The following CDCA7L variants were observed in gnomAD, a reference collection of about 807,000 sequenced individuals.
The protein encoded by CDCA7L is cell division cycle-associated 7-like protein.
CDCA7L carries 44 observed loss-of-function variants against 57.4 expected under a neutral mutation model. The observed-to-expected ratio is 0.77, with a 90% confidence interval of 0.60 to 0.98. The LOEUF (loss-of-function observed/expected upper bound fraction) is 0.98. CDCA7L is among the 50% of genes least tolerant of loss of function. The probability of loss-of-function intolerance (pLI) is 0.00; values close to 1 mark genes in which losing one functional copy is unlikely to be tolerated. For synonymous variants in CDCA7L, 236 were observed against 202.8 expected (o/e 1.16, Z -1.39); for missense variants, 644 against 580.6 (o/e 1.11, Z -1.12).
chr7:21,916,539 G>T (rs933827608), intron 2 of CDCA7L, among the ~76,000 whole-genome samples: 1 of 90,854 alleles, frequency 1.1e-5, no homozygotes, highest in African/African-American at 4.2e-5. Flanking sequence ...AAAAAAAAAA[G>T]AATTATGGTA....
At chr7:21,927,698 A>G (rs895694577) in intron 1 of CDCA7L, among the ~76,000 whole-genome samples, 24 of 152,182 alleles carry the variant, frequency 1.6e-4, no homozygotes, top group African/African-American at 4.6e-4. Context: ...AAGTAGGACA[A>G]CTCGGAAGAG....
At chr7:21,940,370 A>G (rs2128071068) in intron 1 of CDCA7L, 1 of 894,302 alleles carries the variant, frequency 1.1e-6, no homozygotes, top group Non-Finnish European at 1.3e-6. Flanking sequence ...ATTACTAACA[A>G]TACTACTTTG....
At chr7:21,911,473 T>G (rs1785325292) in intron 3 of CDCA7L, 144 bp downstream of exon 3, 3 of 1,005,238 alleles carry the variant, frequency 3.0e-6, no homozygotes, top group African/African-American at 1.7e-5. Flanking sequence ...CAGGAGCAAT[T>G]TTTTTAGGTT....
At chr7:21,938,519 A>G (rs967889473) in intron 1 of CDCA7L, among the ~76,000 whole-genome samples, 2 of 152,216 alleles carry the variant, frequency 1.3e-5, no homozygotes, top group Non-Finnish European at 2.9e-5. Context: ...ATTTAGTATT[A>G]TCATATAACC....
Position 21,901,447 on chromosome 7 carries a change from C to A in CDCA7L, c.*875G>T, listed in dbSNP as rs72658842. 3.0e-5 allele frequency: 20 copies of A among 658,574 alleles called. No individual in the cohort carries two copies. The African/African-American group carries it at 3.7e-4, about 12-fold the overall frequency. 40.8% of individuals were successfully genotyped at this position (658,574 alleles called of 1,614,324 possible). A position where few individuals can be genotyped will look rare whatever the true frequency, so the allele number is the denominator to read the frequency against. On this transcript the variant is annotated 3_prime_UTR_variant, in exon 10 of 10. Transcript: ENST00000406877. ...ACTCAGGGCTGAGCGTGGTGGCACA[C>A]GACTGTAATCCCAGTTACTCAGGAG...
intron 1 of CDCA7L, among the ~76,000 whole-genome samples, chr7:21,942,514 G>A (rs780538856): frequency 2.6e-5 from 4 of 152,148 alleles, no homozygotes; most frequent in Non-Finnish European, 4.4e-5. Flanking sequence ...CTGTATACTG[G>A]AGGTAAATAT....
chr7:21,906,313 G>A lies in CDCA7L; in HGVS notation c.897C>T (p.Ser299=), dbSNP rs755505442. 1 of 1,599,808 alleles carries A rather than the reference G, an allele frequency of 6.3e-7. No individual in the cohort carries two copies. Among genetic ancestry groups the A allele is most frequent in the Admixed American group, 1.8e-5 (1 of 55,660 alleles). The part of the protein sequence containing the change: ...SAAKFAEEFY[S]FRRRKTIGGK... ...CCCCAATTGTCTTCCTTCTTCGGAA[G>A]CTGTAAAACTCTTCCGCAAATTTAG... is the stretch of plus-strand genomic sequence containing the variant. Residue 299 remains serine, a synonymous_variant, in exon 6 of 10, where the codon AGC becomes AGT. Transcript: ENST00000406877.
At chr7:21,902,938 G>C in intron 9 of CDCA7L, 40 bp downstream of exon 9, 2 of 1,598,002 alleles carry the variant, frequency 1.3e-6, no homozygotes, top group Non-Finnish European at 1.7e-6. Flanking sequence ...TCAGCCTCAA[G>C]ATTTCAAGCT....
chr7:21,908,227 G>C lies in CDCA7L; in HGVS notation c.584C>G (p.Ser195Cys), dbSNP rs201363125. Residue 195 changes from serine (S) to cysteine (C), a missense_variant, in exon 4 of 10, where the codon TCT becomes TGT. Coordinates refer to ENST00000406877, the MANE Select transcript of CDCA7L (RefSeq NM_018719.5). ...AGAGTCATCCTCAGACTCAGAGGTA[G>C]AATCTTCCCTTTGTATCACCTGTCT... ...DCRQVIQRED[S>C]TSESEDDSRD... 1.2e-6 allele frequency: 2 copies of C among 1,613,232 alleles called. No individual in the cohort carries two copies. Among genetic ancestry groups the C allele is most frequent in the East Asian group, 4.5e-5 (2 of 44,874 alleles).
At chr7:21,934,431 T>A (rs1479110575) in intron 1 of CDCA7L, among the ~76,000 whole-genome samples, 1 of 151,468 alleles carries the variant, frequency 6.6e-6, no homozygotes, top group Non-Finnish European at 1.5e-5. Flanking sequence ...GGAAATGAAA[T>A]GAGAAGAGAG....
At chr7:21,927,873 T>C (rs1332230000) in intron 1 of CDCA7L, among the ~76,000 whole-genome samples, 1 of 152,240 alleles carries the variant, frequency 6.6e-6, no homozygotes, top group Non-Finnish European at 1.5e-5. Flanking sequence ...GGGAAAGGCG[T>C]GGCTGTGGGC....
intron 1 of CDCA7L, among the ~76,000 whole-genome samples, chr7:21,936,665 C>T (rs1461063351): frequency 1.3e-5 from 2 of 151,980 alleles, no homozygotes; most frequent in Non-Finnish European, 2.9e-5. Flanking sequence ...CTTAAACTCA[C>T]CAACATAAGG....
At chr7:21,902,935 C>G (rs1439935993) in intron 9 of CDCA7L, 43 bp downstream of exon 9, 2 of 1,596,410 alleles carry the variant, frequency 1.3e-6, no homozygotes, top group African/African-American at 1.3e-5. Flanking sequence ...TGCTCAGCCT[C>G]AAGATTTCAA....
intron 2 of CDCA7L, 47 bp downstream of exon 2, chr7:21,916,707 T>C: frequency 1.3e-6 from 2 of 1,585,496 alleles, no homozygotes; most frequent in Non-Finnish European, 1.7e-6. Context: ...CAAACCAAGA[T>C]TCAGGCCTCC....
chr7:21,936,817 C>T (rs548586734), intron 1 of CDCA7L, among the ~76,000 whole-genome samples: 1 of 152,220 alleles, frequency 6.6e-6, no homozygotes, highest in African/African-American at 2.4e-5. Context: ...TCTAGCCAGA[C>T]CAATCAGGCA....
chr7:21,911,480 G>A (rs191950448), intron 3 of CDCA7L, 137 bp downstream of exon 3: 1 of 1,060,948 alleles, frequency 9.4e-7, no homozygotes, highest in East Asian at 2.7e-5. Context: ...AATTTTTTTA[G>A]GTTATGTTAA....
In CDCA7L at chr7:21,908,226, A is replaced by G; in HGVS notation, c.585T>C (p.Ser195=). The change falls in exon 4 of 10, where the codon TCT becomes TCC. Residue 195 remains serine, a synonymous_variant. Transcript: ENST00000406877. The stretch of plus-strand genomic sequence containing the variant: ...GAGAGTCATCCTCAGACTCAGAGGT[A>G]GAATCTTCCCTTTGTATCACCTGTC... ...DCRQVIQRED[S]TSESEDDSRD... 1 of 1,613,258 alleles carries G rather than the reference A, an allele frequency of 6.2e-7. No homozygotes were observed. The highest frequency in any genetic ancestry group is 8.5e-7 in the Non-Finnish European group (1 of 1,179,868).
In CDCA7L at chr7:21,909,473, G is replaced by C. The variant is rs1045182414; in HGVS notation, c.304-966C>G. Among the ~76,000 whole-genome samples the C allele has an allele frequency of 2.0e-5, 3 of 151,992 alleles. No homozygotes were observed. In the East Asian group the frequency reaches 5.8e-4, roughly 29 times the overall value. On this transcript the variant is annotated intron_variant, in intron 3 of 9. Transcript: ENST00000406877. Reference sequence around the variant, plus strand: ...GGGACTCTGCTTCCTCCCCGGTGACGACCATCAACCCCAAACTCTCGTTGG... The same window carrying C: ...GGGACTCTGCTTCCTCCCCGGTGACCACCATCAACCCCAAACTCTCGTTGG...
intron 7 of CDCA7L, among the ~76,000 whole-genome samples, 200 bp from the exon 8 acceptor site, chr7:21,904,459 G>GA (rs1377082905): frequency 6.6e-6 from 1 of 152,158 alleles, no homozygotes; most frequent in Admixed American, 6.5e-5. Context: ...TCTGTGGCCT[G>GA]TTTGGAACCG....
Sources: gnomAD v4.1 joint callset for allele counts (sites outside exome capture counted in the v4.1 genomes callset) on GRCh38, gnomAD v4.1.1 for gene constraint, MANE v1.5 for transcripts, NCBI Gene and HGNC (gene_info 2026-07-23, HGNC 2026-07-21) for gene names.